The following POLR1C variants were observed in gnomAD, a reference collection of about 807,000 sequenced individuals.
POLR1C encodes the protein DNA-directed RNA polymerases I and III subunit RPAC1.
POLR1C carries 42 observed loss-of-function variants against 38.3 expected under a neutral mutation model. The ratio of observed to expected loss-of-function variants is 1.10; its 90% confidence interval spans 0.86 to 1.42. POLR1C has a LOEUF of 1.42. POLR1C is among the 40% of genes most tolerant of loss of function. The pLI is 0.00. For missense variants in POLR1C, 507 were observed against 450.5 expected (o/e 1.13, Z -1.14); for synonymous variants, 163 against 163.9 (o/e 0.99, Z 0.04).
At chr6:43,538,507 A>T (rs1794490924) in intron 9 of POLR1C, among the ~76,000 whole-genome samples, 1 of 152,150 alleles carries the variant, frequency 6.6e-6, no homozygotes, top group Non-Finnish European at 1.5e-5. Flanking sequence ...GATAAACAGA[A>T]AAAAGGAAAA....
At chr6:43,549,596 A>G (rs763678468) in intron 9 of POLR1C, 1 of 1,610,408 alleles carries the variant, frequency 6.2e-7, no homozygotes, top group South Asian at 1.1e-5. Context: ...GAGACATTCA[A>G]CAAACTCGGA....
chr6:43,560,432 T>A, intron 10 of POLR1C: 1 of 1,208,032 alleles, frequency 8.3e-7, no homozygotes, highest in Non-Finnish European at 1.1e-6. Context: ...CTGTCTCTAC[T>A]GCAATTTATC....
intron 8 of POLR1C, chr6:43,527,579 C>T (rs1582195338): frequency 1.3e-6 from 2 of 1,583,792 alleles, no homozygotes; most frequent in Non-Finnish European, 1.7e-6. Context: ...GGCTGAGCGA[C>T]CAGCTCTTCT....
intron 9 of POLR1C, chr6:43,549,396 C>T (rs1390608733): frequency 1.6e-6 from 2 of 1,256,602 alleles, no homozygotes; most frequent in Non-Finnish European, 2.2e-6. Flanking sequence ...GCTATAGTTT[C>T]TAGTTTTTTC....
chr6:43,524,977 A>C (rs562340593), downstream of POLR1C: 2 of 1,612,396 alleles, frequency 1.2e-6, no homozygotes, highest in Admixed American at 3.3e-5. Context: ...ACCTGGGGAG[A>C]CAACTGTGCT....
chr6:43,553,235 G>C (rs71562709), intron 10 of POLR1C: 1 of 1,106,550 alleles, frequency 9.0e-7, no homozygotes, highest in Non-Finnish European at 1.2e-6. Context: ...CCAGGAGTTG[G>C]AGGTTACAGA....
At chr6:43,522,640 A>C, downstream of POLR1C, 1 of 423,852 alleles carries the variant, frequency 2.4e-6, no homozygotes, top group Non-Finnish European at 5.2e-6. Context: ...GCTTCTTCTC[A>C]ATCTGACCCT....
chr6:43,517,175 C>CA lies in POLR1C; in HGVS notation c.68dup (p.Asn23LysfsTer6). 1 of 1,614,076 alleles carries CA rather than the reference C, an allele frequency of 6.2e-7. No individual in the cohort carries two copies. The highest frequency in any genetic ancestry group is 8.5e-7 in the Non-Finnish European group (1 of 1,179,996). On this transcript the variant is annotated frameshift_variant, in exon 1 of 9. Coordinates refer to ENST00000642195, the MANE Select transcript of POLR1C (RefSeq NM_203290.4). LOFTEE classifies it high-confidence loss of function. ...TGGTTCTGGGGGAGTTTGGGGTTCG[C>CA]AATGTAAGCCTTGTGGCCTTGAGCT...
chr6:43,560,458 C>T (rs935774871), intron 10 of POLR1C, among the ~76,000 whole-genome samples: 3 of 152,182 alleles, frequency 2.0e-5, no homozygotes, highest in Non-Finnish European at 4.4e-5. Flanking sequence ...TGACCACCCA[C>T]TATGGACCAC....
chr6:43,556,542 A>AT (rs1227740419), intron 10 of POLR1C, among the ~76,000 whole-genome samples: 2 of 150,036 alleles, frequency 1.3e-5, no homozygotes, highest in Non-Finnish European at 2.9e-5. Context: ...AAAAAAAAAA[A>AT]TTTTTAAAAA....
At chr6:43,529,194 G>A (rs1793787865) in intron 8 of POLR1C, 2 of 1,448,212 alleles carry the variant, frequency 1.4e-6, no homozygotes, top group Admixed American at 3.7e-5. Flanking sequence ...AAAAAAATAG[G>A]AAGGAGGACA....
Position 43,551,734 on chromosome 6 carries a change from T to G in POLR1C, c.*48+723T>G, listed in dbSNP as rs374591566. 4.9e-3 allele frequency among the ~76,000 whole-genome samples: 743 copies of G among 152,248 alleles called. 5 individuals are homozygous for G. Among genetic ancestry groups the G allele is most frequent in the African/African-American group, 0.016 (676 of 41,542 alleles). Reference sequence around the variant, plus strand: ...GAGATGTTGTAGAAGTGTTGTTATGTCGACCAGGCTGGTCTCAAACTCCTG... The same window carrying G: ...GAGATGTTGTAGAAGTGTTGTTATGGCGACCAGGCTGGTCTCAAACTCCTG... On this transcript the variant is annotated intron_variant, in intron 10 of 10. Coordinates refer to the POLR1C transcript ENST00000607635.
intron 10 of POLR1C, among the ~76,000 whole-genome samples, chr6:43,551,929 A>G (rs1795246752): frequency 6.6e-6 from 1 of 151,892 alleles, no homozygotes; most frequent in Non-Finnish European, 1.5e-5. Flanking sequence ...GGCCTCCCAA[A>G]GTGTTGGGAT....
chr6:43,537,655 A>G (rs1007043011), intron 9 of POLR1C, among the ~76,000 whole-genome samples: 1 of 152,240 alleles, frequency 6.6e-6, no homozygotes, highest in Non-Finnish European at 1.5e-5. Flanking sequence ...GTGTAACAAA[A>G]TAACAAAAAT....
At chr6:43,536,391 C>T (rs940238725) in intron 9 of POLR1C, among the ~76,000 whole-genome samples, 1 of 142,334 alleles carries the variant, frequency 7.0e-6, no homozygotes, top group African/African-American at 2.6e-5. Flanking sequence ...CTCCAGCCTG[C>T]GCAACACAGT....
At chr6:43,523,652 A>G (rs1793341305), downstream of POLR1C, 2 of 822,420 alleles carry the variant, frequency 2.4e-6, no homozygotes, top group Non-Finnish European at 4.3e-6. Context: ...ACATCTAGAC[A>G]GAATAGTTTA....
intron 3 of POLR1C, 33 bp downstream of exon 3, chr6:43,519,473 G>C: frequency 6.6e-7 from 1 of 1,512,908 alleles, no homozygotes; most frequent in Non-Finnish European, 9.2e-7. Flanking sequence ...GGCTGGAGTT[G>C]CTTTGGGAAC....
Position 43,551,540 on chromosome 6 carries a change from A to G in POLR1C, c.*48+529A>G, listed in dbSNP as rs1795229488. On this transcript the variant is annotated intron_variant, in intron 10 of 10. Coordinates refer to the POLR1C transcript ENST00000607635. ...GCTACATTTTATTTTCATCTTTTAAAGAGACAGGGTCTCATTCTGTCACCT... is the reference window on the plus strand; with the variant it reads ...GCTACATTTTATTTTCATCTTTTAAGGAGACAGGGTCTCATTCTGTCACCT... 1.3e-5 allele frequency: 20 copies of G among 1,501,436 alleles called. No individual in the cohort carries two copies. The East Asian group carries it at 4.3e-4, about 32-fold the overall frequency. The allele number at this position is 1,501,436 out of a possible 1,614,324, so 93.0% of individuals were successfully genotyped here. A position where few individuals can be genotyped will look rare whatever the true frequency, so the allele number is the denominator to read the frequency against.
intron 10 of POLR1C, chr6:43,551,585 C>T (rs1461687735): frequency 2.9e-6 from 3 of 1,049,916 alleles, no homozygotes; most frequent in African/African-American, 1.6e-5. Flanking sequence ...TGCACAGTGG[C>T]ACAATCATCA....
Sources: gnomAD v4.1 joint callset for allele counts (sites outside exome capture counted in the v4.1 genomes callset) on GRCh38, gnomAD v4.1.1 for gene constraint, MANE v1.5 for transcripts, NCBI Gene and HGNC (gene_info 2026-07-23, HGNC 2026-07-21) for gene names.